The following PAM variants were observed in gnomAD, a reference collection of about 807,000 sequenced individuals.
PAM encodes the protein peptidylglycine alpha-amidating monooxygenase, also known as peptidyl-glycine alpha-amidating monooxygenase.
Under a neutral mutation model 122.1 loss-of-function variants are expected in PAM, and 72 were observed. The observed-to-expected ratio is 0.59, with a 90% confidence interval of 0.49 to 0.72. The LOEUF is 0.72. PAM is among the 30% of genes least tolerant of loss of function. PAM has a pLI of 0.00. For missense variants in PAM, 1,106 were observed against 1,183.7 expected, an observed-to-expected ratio of 0.93 and a Z score of 0.96; for synonymous variants, 389 against 404.4, an observed-to-expected ratio of 0.96 and a Z score of 0.46.
intron 1 of PAM, among the ~76,000 whole-genome samples, chr5:102,758,275 T>G (rs1273716306): frequency 6.6e-6 from 1 of 151,914 alleles, no homozygotes; most frequent in East Asian, 1.9e-4. Flanking sequence ...AGGCTTTACA[T>G]ACTGGGCTTT....
chr5:102,875,277 CA>C (rs1788790539), intron 3 of PAM, among the ~76,000 whole-genome samples: 1 of 152,074 alleles, frequency 6.6e-6, no homozygotes, highest in South Asian at 2.1e-4. Flanking sequence ...ACTGCTACCT[CA>C]ACCTCCTGGG....
chr5:102,832,987 C>T (rs1339725808), intron 1 of PAM, among the ~76,000 whole-genome samples: 3 of 152,232 alleles, frequency 2.0e-5, no homozygotes, highest in Admixed American at 2.0e-4. Context: ...GGAGATAATA[C>T]TGTTTCATGA....
chr5:102,875,892 T>C (rs992184935), intron 3 of PAM, among the ~76,000 whole-genome samples: 2 of 152,228 alleles, frequency 1.3e-5, no homozygotes, highest in Non-Finnish European at 1.5e-5. Context: ...TTTAGGCTAA[T>C]AAATGGATTT....
chr5:102,889,470 G>A (rs1174321974), intron 3 of PAM, among the ~76,000 whole-genome samples: 1 of 151,736 alleles, frequency 6.6e-6, no homozygotes, highest in Non-Finnish European at 1.5e-5. Flanking sequence ...AATCCCTGGG[G>A]TGTTTTAACA....
Position 102,925,025 on chromosome 5 carries a change from C to A in PAM, c.425C>A (p.Pro142His). The A allele has an allele frequency of 6.4e-7, 1 of 1,572,078 alleles. No homozygotes were observed. The highest frequency in any genetic ancestry group is 8.8e-7 in the Non-Finnish European group (1 of 1,141,480). Residue 142 changes from proline (P) to histidine (H), a missense_variant, in exon 6 of 26, where the codon CCT becomes CAT. This residue lies in a region of PAM where 670 missense variants were observed against 690.3 expected (regional missense o/e 0.97). Coordinates refer to ENST00000438793, the MANE Select transcript of PAM (RefSeq NM_001177306.2). ...ILYAWARNAP[P>H]TRLPKGVGFR... Reference sequence around the variant, plus strand: ...TATGCCTGGGCGAGAAATGCTCCCCCTACCCGGCTCCCCAAAGGTATGTCA... The same window carrying A: ...TATGCCTGGGCGAGAAATGCTCCCCATACCCGGCTCCCCAAAGGTATGTCA...
intron 1 of PAM, among the ~76,000 whole-genome samples, chr5:102,814,189 C>T (rs1485305328): frequency 6.6e-6 from 1 of 152,130 alleles, no homozygotes; most frequent in Non-Finnish European, 1.5e-5. Context: ...AGCTCACTAA[C>T]GCAAAGATTT....
Position 102,849,549 on chromosome 5 carries a change from C to A in PAM, c.-373-16274C>A, listed in dbSNP as rs578162733. On this transcript the variant is annotated intron_variant, in intron 1 of 25. Coordinates refer to ENST00000438793, the MANE Select transcript of PAM (RefSeq NM_001177306.2). ...CTCCAGCCTGGGTGACAGAGCAAGA[C>A]TGTCTCAAAAAAAAAAAAAAAAAAG... 1.2e-3 allele frequency among the ~76,000 whole-genome samples: 145 copies of A among 125,950 alleles called. 1 individual carries two copies. The highest frequency in any genetic ancestry group is 4.6e-3 in the African/African-American group (137 of 30,038). The allele number at this position is 125,950 out of a possible 152,430, so 82.6% of individuals were successfully genotyped here. A position where few individuals can be genotyped will look rare whatever the true frequency, so the allele number is the denominator to read the frequency against.
intron 3 of PAM, among the ~76,000 whole-genome samples, chr5:102,897,539 G>A (rs1045792246): frequency 3.3e-4 from 50 of 151,586 alleles, no homozygotes; most frequent in African/African-American, 1.1e-3. Context: ...TATTTAATAA[G>A]TGATGACTTA....
chr5:102,870,362 G>C (rs772783050), intron 3 of PAM, among the ~76,000 whole-genome samples: 1 of 152,058 alleles, frequency 6.6e-6, no homozygotes, highest in Non-Finnish European at 1.5e-5. Flanking sequence ...ATGTAGAACA[G>C]AGGTGGAAAG....
chr5:102,795,860 CAG>C (rs1220556235), intron 1 of PAM, among the ~76,000 whole-genome samples: 1 of 152,190 alleles, frequency 6.6e-6, no homozygotes, highest in Non-Finnish European at 1.5e-5. Flanking sequence ...ACCTCATTAT[CAG>C]AGAGTTTAGT....
intron 1 of PAM, among the ~76,000 whole-genome samples, chr5:102,797,960 A>C (rs762001715): frequency 1.3e-3 from 200 of 152,250 alleles, no homozygotes; most frequent in Non-Finnish European, 2.5e-3. Context: ...ATACAACTTT[A>C]AGAATTATAC....
intron 14 of PAM, among the ~76,000 whole-genome samples, chr5:102,969,089 G>T (rs1026965989): frequency 2.0e-5 from 3 of 152,048 alleles, no homozygotes; most frequent in South Asian, 2.1e-4. Context: ...TGCCTGTCGG[G>T]GGGTAGGGGG....
chr5:102,949,633 G>GT lies in PAM; in HGVS notation c.724+18dup, dbSNP rs750192408. The GT allele has an allele frequency of 5.1e-6, 6 of 1,177,708 alleles. No individual in the cohort carries two copies. In the South Asian group the frequency reaches 7.5e-5, roughly 15 times the overall value. 73.0% of individuals were successfully genotyped at this position (1,177,708 alleles called of 1,614,324 possible). Reference sequence around the variant, plus strand: ...CACCATTTAGGTAAGAACTTTACATGTTAAATTATAAATATTTACCATTGT... The same window carrying GT: ...CACCATTTAGGTAAGAACTTTACATGTTTAAATTATAAATATTTACCATTGT... On this transcript the variant is annotated intron_variant, in intron 10 of 25. Coordinates refer to ENST00000438793, the MANE Select transcript of PAM (RefSeq NM_001177306.2).
intron 7 of PAM, among the ~76,000 whole-genome samples, chr5:102,942,198 A>G (rs1029129809): frequency 6.6e-6 from 1 of 152,100 alleles, no homozygotes; most frequent in African/African-American, 2.4e-5. Flanking sequence ...TTTCAAAGTA[A>G]TTATAATTAT....
chr5:102,867,256 T>C lies in PAM; in HGVS notation c.90-17T>C. 6.4e-7 allele frequency: 1 copy of C among 1,567,416 alleles called. No homozygotes were observed. Among genetic ancestry groups the C allele is most frequent in the Non-Finnish European group, 8.8e-7 (1 of 1,138,994 alleles). ...TCCATTATGTTCAAGAATATTGAAATTGCCCTCTTTTTTAAGGTTTAAAGA... is the reference window on the plus strand; with the variant it reads ...TCCATTATGTTCAAGAATATTGAAACTGCCCTCTTTTTTAAGGTTTAAAGA... On this transcript the variant is annotated splice_polypyrimidine_tract_variant and intron_variant, in intron 2 of 25. Coordinates refer to ENST00000438793, the MANE Select transcript of PAM (RefSeq NM_001177306.2).
chr5:102,967,989 C>CT (rs2150350010), intron 14 of PAM, among the ~76,000 whole-genome samples: 1 of 152,226 alleles, frequency 6.6e-6, no homozygotes, highest in South Asian at 2.1e-4. Context: ...TCCCAAAGTG[C>CT]TGGGATTACA....
chr5:102,970,092 A>G (rs953700658), intron 14 of PAM, among the ~76,000 whole-genome samples: 1 of 152,152 alleles, frequency 6.6e-6, no homozygotes, highest in Non-Finnish European at 1.5e-5. Context: ...AGCATTGGCA[A>G]TTAGGATCCC....
intron 23 of PAM, among the ~76,000 whole-genome samples, chr5:103,022,458 G>A (rs919824045): frequency 1.3e-5 from 2 of 152,010 alleles, no homozygotes; most frequent in African/African-American, 4.8e-5. Flanking sequence ...GTACATACAT[G>A]TATATGTGCA....
chr5:102,871,474 G>A (rs1787429729), intron 3 of PAM, among the ~76,000 whole-genome samples: 1 of 151,786 alleles, frequency 6.6e-6, no homozygotes, highest in Non-Finnish European at 1.5e-5. Flanking sequence ...ACAAACCTAG[G>A]CAAGAGAAAC....
Sources: allele counts gnomAD v4.1 joint callset (sites outside exome capture counted in the v4.1 genomes callset), GRCh38; gene constraint gnomAD v4.1.1; regional missense constraint gnomAD v4.1.1; transcripts MANE v1.5; gene names NCBI Gene and HGNC (gene_info 2026-07-23, HGNC 2026-07-21).